Variants in ATR observed in about 807,000 individuals in gnomAD.
ATR encodes the protein ATR checkpoint kinase, also known as serine/threonine-protein kinase ATR.
A neutral mutation model predicts 305.3 loss-of-function variants in ATR; 142 were observed. The ratio of observed to expected loss-of-function variants is 0.47; its 90% CI spans 0.41 to 0.53. The LOEUF is 0.53. Ranked by LOEUF, ATR falls within the 20% of genes least tolerant of loss-of-function variation. The pLI is 0.00. For missense variants in ATR, 2,135 were observed against 3,133.1 expected (o/e 0.68, Z 7.60); for synonymous variants, 1,050 against 1,068.1 (o/e 0.98, Z 0.33).
chr3:142,515,305 A>G, intron 25 of ATR, 90 bp downstream of exon 25: 1 of 1,508,978 alleles, frequency 6.6e-7, no homozygotes, highest in Non-Finnish European at 9.1e-7. Flanking sequence ...AAATACTTCA[A>G]TGATTATTGT....
chr3:142,556,092 G>C lies in ATR; in HGVS notation c.2126C>G (p.Ser709Cys), dbSNP rs2108471620. 6.2e-7 allele frequency: 1 copy of C among 1,613,340 alleles called. No individual in the cohort carries two copies. The highest frequency in any genetic ancestry group is 2.2e-5 in the East Asian group (1 of 44,852). The stretch of plus-strand genomic sequence containing the variant: ...AGTACAGACAAGTTGACCAAGTATA[G>C]AAGCAAATTCTTTCTTGACAATGTC... Reference protein sequence around the residue: ...DSDIVKKEFASILGQLVCTLH... With the variant: ...DSDIVKKEFACILGQLVCTLH... The change falls in exon 10 of 47, where the codon TCT becomes TGT. Residue 709 changes from serine to cysteine, a missense_variant. Coordinates refer to ENST00000350721, the MANE Select transcript of ATR (RefSeq NM_001184.4).
chr3:142,561,510 G>T, intron 4 of ATR, 89 bp from the exon 5 acceptor site: 1 of 1,333,652 alleles, frequency 7.5e-7, no homozygotes, highest in East Asian at 2.5e-5. Context: ...TAGATGTTAG[G>T]TGTTTTCTAG....
At chr3:142,459,432 G>A (rs2108262292) in intron 42 of ATR, 49 bp from the exon 43 acceptor site, 1 of 1,605,092 alleles carries the variant, frequency 6.2e-7, no homozygotes, top group Non-Finnish European at 8.5e-7. Flanking sequence ...AATGAAAAAA[G>A]GGGCAAAGTT....
At chr3:142,552,478 T>C (rs2034506474) in intron 13 of ATR, among the ~76,000 whole-genome samples, 1 of 151,996 alleles carries the variant, frequency 6.6e-6, no homozygotes. Context: ...AAGACCAACT[T>C]GGCCAACATG....
At chr3:142,525,126 C>G (rs186820706) in intron 21 of ATR, among the ~76,000 whole-genome samples, 3 of 152,170 alleles carry the variant, frequency 2.0e-5, no homozygotes, top group Admixed American at 1.3e-4. Context: ...TCCCCACCCC[C>G]ACACATACAC....
chr3:142,540,413 T>C (rs2108436361), intron 18 of ATR, among the ~76,000 whole-genome samples: 1 of 152,298 alleles, frequency 6.6e-6, no homozygotes, highest in South Asian at 2.1e-4. Context: ...ACAATGTCTT[T>C]GGGAAAAATA....
intron 13 of ATR, among the ~76,000 whole-genome samples, chr3:142,551,547 A>G (rs567672465): frequency 6.6e-6 from 1 of 152,342 alleles, no homozygotes; most frequent in Non-Finnish European, 1.5e-5. Context: ...GATCTTTAAC[A>G]AACCTGACAA....
Position 142,555,928 on chromosome 3 carries a change from T to C in ATR, c.2290A>G (p.Lys764Glu), listed in dbSNP as rs77208665. The change falls in exon 10 of 47, where the codon AAG becomes GAG. Residue 764 changes from lysine to glutamate, a missense_variant. This residue lies in a region of ATR where 530 missense variants were observed against 766.8 expected (regional missense o/e 0.69). Transcript: ENST00000350721. The part of the protein sequence containing the change: ...SSSQLKASVC[K>E]PFLFLLKKKI... ...TTTTTCAGTAGGAAAAGGAATGGCT[T>C]GCAGACAGAAGCTTTTAGTTGAGAA... 4.6e-3 allele frequency: 7,402 copies of C among 1,612,994 alleles called. 32 individuals carry two copies. Among genetic ancestry groups the C allele is most frequent in the Non-Finnish European group, 5.4e-3 (6,366 of 1,179,736 alleles).
chr3:142,544,621 C>CAAAAAA (rs71153972), intron 16 of ATR, among the ~76,000 whole-genome samples: 907 of 83,506 alleles, frequency 0.011, 8 homozygotes, highest in South Asian at 0.021. Context: ...AAGAAAGGAG[C>CAAAAAA]AAAAAAAAAA....
At chr3:142,486,618 T>C (rs2030940672) in intron 35 of ATR, among the ~76,000 whole-genome samples, 1 of 152,034 alleles carries the variant, frequency 6.6e-6, no homozygotes, top group South Asian at 2.1e-4. Context: ...TAAAATCTCC[T>C]TCCTCCCTCT....
chr3:142,547,621 C>T (rs1196745098), intron 16 of ATR, 104 bp downstream of exon 16: 2 of 1,302,832 alleles, frequency 1.5e-6, no homozygotes, highest in Non-Finnish European at 2.1e-6. Context: ...AAACAAATGG[C>T]TAGCAGCCAG....
At position 142,560,265 on chromosome 3, in the gene ATR, G is replaced by A. The variant is rs1387919367; in HGVS notation, c.1539C>T (p.Asn513=). 2 of 1,613,512 alleles carry A rather than the reference G, an allele frequency of 1.2e-6. No homozygotes were observed. Among genetic ancestry groups the A allele is most frequent in the Non-Finnish European group, 1.7e-6 (2 of 1,179,572 alleles). Residue 513 remains asparagine (N), a splice_region_variant and synonymous_variant, in exon 6 of 47, where the codon AAC becomes AAT. Transcript: ENST00000350721. ...AAGAAACAAGAAGTTTGTTTTACCA[G>A]TTCATGTTTTGATGAGAACAATGAA... ...CTVHCSHQNM[N]CRTFKDCQHK... is the part of the protein sequence containing the mutation.
intron 28 of ATR, among the ~76,000 whole-genome samples, 195 bp downstream of exon 28, chr3:142,507,736 A>T (rs2032331409): frequency 6.6e-6 from 1 of 152,192 alleles, no homozygotes; most frequent in Non-Finnish European, 1.5e-5. Context: ...CACATGGATG[A>T]GTTAAGTGTC....
intron 25 of ATR, 79 bp downstream of exon 25, chr3:142,515,316 G>A: frequency 6.5e-7 from 1 of 1,539,736 alleles, no homozygotes; most frequent in South Asian, 1.2e-5. Context: ...TGATTATTGT[G>A]TGTGCTAGGC....
At chr3:142,470,679 T>C (rs2071240865) in intron 36 of ATR, among the ~76,000 whole-genome samples, 1 of 152,132 alleles carries the variant, frequency 6.6e-6, no homozygotes, top group South Asian at 2.1e-4. Flanking sequence ...TACCTACATA[T>C]TAAAACTATA....
In ATR at chr3:142,493,121, C is replaced by T; in HGVS notation, c.6078+11G>A. 1 of 1,612,622 alleles carries T rather than the reference C, an allele frequency of 6.2e-7. No individual in the cohort carries two copies. The highest frequency in any genetic ancestry group is 8.5e-7 in the Non-Finnish European group (1 of 1,178,982). On this transcript the variant is annotated intron_variant, in intron 35 of 46. Transcript: ENST00000350721. ...CAGAGTTAACTGAAACTGCATTATACATATACTTGCCTTATATTTTTTCAT... is the reference window on the plus strand; with the variant it reads ...CAGAGTTAACTGAAACTGCATTATATATATACTTGCCTTATATTTTTTCAT...
In ATR at chr3:142,518,071, G is replaced by T. The variant is rs189656108; in HGVS notation, c.4382+1598C>A. ...AGCCAACAATCAAACCTAAGCCTGT[G>T]TGACTACAAAGGTCATAAACTTTCC... On this transcript the variant is annotated intron_variant, in intron 24 of 46. Transcript: ENST00000350721. Among the ~76,000 whole-genome samples, 16 of 152,276 alleles carry T rather than the reference G, an allele frequency of 1.1e-4. No homozygotes were observed. In the East Asian group the frequency reaches 2.9e-3, roughly 27 times the overall value.
chr3:142,562,084 C>T, intron 4 of ATR, 148 bp downstream of exon 4: 9 of 866,200 alleles, frequency 1.0e-5, no homozygotes, highest in Non-Finnish European at 1.5e-5. Flanking sequence ...TAATAGTGAG[C>T]CAGACTACAC....
chr3:142,532,391 AG>A (rs2033688488), intron 21 of ATR, among the ~76,000 whole-genome samples: 2 of 152,208 alleles, frequency 1.3e-5, no homozygotes, highest in African/African-American at 4.8e-5. Flanking sequence ...ATTCCTGACT[AG>A]TATCAATCTT....
Sources: allele counts gnomAD v4.1 joint callset (sites outside exome capture counted in the v4.1 genomes callset), GRCh38; gene constraint gnomAD v4.1.1; regional missense constraint gnomAD v4.1.1; transcripts MANE v1.5; gene names NCBI Gene and HGNC (gene_info 2026-07-23, HGNC 2026-07-21).